The following DLG2 variants were observed in gnomAD, a reference collection of about 807,000 sequenced individuals.
The protein encoded by DLG2 is disks large homolog 2.
In DLG2, 45 loss-of-function variants were observed where a neutral mutation model predicts 132.5. The observed-to-expected ratio is 0.34, with a 90% CI of 0.27 to 0.44. The LOEUF (loss-of-function observed/expected upper bound fraction) is 0.44, where lower values mean the gene tolerates loss of function less well. Ranked by LOEUF, DLG2 falls within the 20% of genes least tolerant of loss-of-function variation. DLG2 has a pLI of 1.00. For synonymous variants in DLG2, 424 were observed against 419.6 expected (o/e 1.01, Z -0.13); for missense variants, 1,045 against 1,196.9 (o/e 0.87, Z 1.87).
intron 6 of DLG2, among the ~76,000 whole-genome samples, chr11:84,697,197 A>T (rs766646378): frequency 2.6e-5 from 4 of 151,514 alleles, no homozygotes; most frequent in Non-Finnish European, 5.9e-5. Context: ...AACCTTAAGG[A>T]ACTATTGCTG....
intron 15 of DLG2, among the ~76,000 whole-genome samples, chr11:83,924,444 T>G (rs1053864558): frequency 6.6e-6 from 1 of 152,118 alleles, no homozygotes. Context: ...AGGGTTAAAA[T>G]GGAAGGTTTA....
chr11:85,041,995 G>A (rs964115158), intron 6 of DLG2, among the ~76,000 whole-genome samples: 1 of 151,928 alleles, frequency 6.6e-6, no homozygotes, highest in African/African-American at 2.4e-5. Flanking sequence ...CACTATTCCA[G>A]TGACAGGTAT....
At chr11:84,326,193 C>T (rs1396102567) in intron 7 of DLG2, among the ~76,000 whole-genome samples, 1 of 151,716 alleles carries the variant, frequency 6.6e-6, no homozygotes, top group East Asian at 1.9e-4. Context: ...ATATGTAACT[C>T]TTAGTTTCAA....
intron 4 of DLG2, among the ~76,000 whole-genome samples, chr11:85,245,803 C>T (rs1001036539): frequency 6.6e-6 from 1 of 151,966 alleles, no homozygotes; most frequent in Non-Finnish European, 1.5e-5. Flanking sequence ...TTCTCATCTA[C>T]TCTACTCCAG....
chr11:83,657,436 G>A (rs746561098), intron 18 of DLG2, among the ~76,000 whole-genome samples: 1 of 151,598 alleles, frequency 6.6e-6, no homozygotes, highest in Non-Finnish European at 1.5e-5. Flanking sequence ...TAAACCAAAG[G>A]TATCAGTTAT....
chr11:85,562,603 A>G (rs906604692), intron 3 of DLG2, among the ~76,000 whole-genome samples: 11 of 151,778 alleles, frequency 7.2e-5, no homozygotes, highest in African/African-American at 2.7e-4. Flanking sequence ...TTTTCACTAT[A>G]CCATGCTCAC....
In DLG2 at chr11:83,912,596, T is replaced by C. The variant is rs7117453; in HGVS notation, c.1496+17732A>G. Among the ~76,000 whole-genome samples the C allele has an allele frequency of 9.1e-3, 1,384 of 152,222 alleles. 19 individuals carry two copies. Among genetic ancestry groups the C allele is most frequent in the African/African-American group, 0.03 (1,255 of 41,548 alleles). The stretch of plus-strand genomic sequence containing the variant: ...GTTTTTTAAATGAAGCGCGTTAACA[T>C]AATATCTACTATCTATCATCACCAT... On this transcript the variant is annotated intron_variant, in intron 15 of 27. Transcript: ENST00000376104.
At chr11:84,530,351 T>C (rs202164225) in intron 7 of DLG2, among the ~76,000 whole-genome samples, 2 of 151,964 alleles carry the variant, frequency 1.3e-5, no homozygotes, top group African/African-American at 2.4e-5. Flanking sequence ...ACAGAGTAAA[T>C]AGACAACCTA....
intron 7 of DLG2, chr11:84,273,303 G>C: frequency 3.0e-6 from 1 of 335,942 alleles, no homozygotes; most frequent in Non-Finnish European, 4.0e-6. Context: ...CCCAGTTGAA[G>C]AGGAAAAAAA....
rs547609034 is a variant in DLG2 at position 84,353,817 on chromosome 11, C to T, written c.520-102526G>A. Among the ~76,000 whole-genome samples, 26 of 152,196 alleles carry T rather than the reference C, an allele frequency of 1.7e-4. 1 individual carries two copies. In the South Asian group the frequency reaches 5.2e-3, roughly 30 times the overall value. On this transcript the variant is annotated intron_variant, in intron 7 of 27. Coordinates refer to ENST00000376104, the MANE Select transcript of DLG2 (RefSeq NM_001142699.3). ...ATTCCTCTGTTTGTAACAGCATTTT[C>T]CCACAACTTCATCATTTATTTTACC... is the stretch of plus-strand genomic sequence containing the variant.
chr11:85,402,725 A>G (rs1000035483), intron 3 of DLG2, among the ~76,000 whole-genome samples: 3 of 152,236 alleles, frequency 2.0e-5, no homozygotes, highest in Admixed American at 6.5e-5. Context: ...TATGCAGCCA[A>G]CAGACATATG....
At chr11:84,447,776 C>A (rs1242198753) in intron 7 of DLG2, among the ~76,000 whole-genome samples, 1 of 151,998 alleles carries the variant, frequency 6.6e-6, no homozygotes, top group Non-Finnish European at 1.5e-5. Context: ...TATAGTAGAT[C>A]TGAATTAATA....
intron 7 of DLG2, among the ~76,000 whole-genome samples, chr11:84,286,687 ATT>A (rs1279412432): frequency 2.6e-5 from 4 of 152,102 alleles, no homozygotes; most frequent in Non-Finnish European, 5.9e-5. Context: ...CAAATAAACT[ATT>A]TTTCAATAGC....
intron 18 of DLG2, among the ~76,000 whole-genome samples, chr11:83,695,102 T>C (rs2081655925): frequency 6.6e-6 from 1 of 152,258 alleles, no homozygotes; most frequent in African/African-American, 2.4e-5. Flanking sequence ...TCTTACATAA[T>C]TCAACTATCA....
In DLG2 at chr11:84,975,196, T is replaced by C. The variant is rs547550544; in HGVS notation, c.357+136465A>G. Among the ~76,000 whole-genome samples, 47 of 152,314 alleles carry C rather than the reference T, an allele frequency of 3.1e-4. 2 individuals are homozygous for C. Among genetic ancestry groups the C allele is most frequent in the African/African-American group, 1.1e-3 (46 of 41,588 alleles). ...TAAGTGGCAGACTACTATTTATCTA[T>C]CCATTATCCATTTTCCCTTCTTCTT... is the stretch of plus-strand genomic sequence containing the variant. On this transcript the variant is annotated intron_variant, in intron 6 of 27. Coordinates refer to ENST00000376104, the MANE Select transcript of DLG2 (RefSeq NM_001142699.3).
chr11:85,325,175 G>T (rs1384457115), intron 3 of DLG2, among the ~76,000 whole-genome samples: 1 of 146,270 alleles, frequency 6.8e-6, no homozygotes, highest in Non-Finnish European at 1.5e-5. Flanking sequence ...CAAACTGCAA[G>T]GCGGCAACGA....
intron 3 of DLG2, among the ~76,000 whole-genome samples, chr11:85,520,792 G>T (rs980516917): frequency 1.3e-5 from 2 of 152,072 alleles, no homozygotes; most frequent in Non-Finnish European, 2.9e-5. Context: ...AAGGGTGCTG[G>T]GAAAGCTGGA....
At chr11:85,535,638 C>T (rs2075530633) in intron 3 of DLG2, among the ~76,000 whole-genome samples, 1 of 152,020 alleles carries the variant, frequency 6.6e-6, no homozygotes. Flanking sequence ...TAGATATATG[C>T]CCAAGAGAAA....
At chr11:85,361,268 G>A (rs777886734) in intron 3 of DLG2, among the ~76,000 whole-genome samples, 5 of 151,680 alleles carry the variant, frequency 3.3e-5, no homozygotes, top group Non-Finnish European at 7.4e-5. Context: ...CAATTCTCCT[G>A]CCTCAGCCTC....
Sources: allele counts gnomAD v4.1 joint callset (sites outside exome capture counted in the v4.1 genomes callset), GRCh38; gene constraint gnomAD v4.1.1; transcripts MANE v1.5; gene names NCBI Gene and HGNC (gene_info 2026-07-23, HGNC 2026-07-21).